The following NEO1 variants were observed in gnomAD, a reference collection of about 807,000 sequenced individuals.
The protein encoded by NEO1 is neogenin 1.
Under a neutral mutation model 159.7 loss-of-function variants are expected in NEO1, and 63 were observed. The observed-to-expected ratio is 0.39, with a 90% CI of 0.32 to 0.49. The LOEUF is 0.49. Among genes scored for constraint, NEO1 ranks in the 20% least tolerant of loss-of-function variants. The pLI is 0.85. For synonymous variants in NEO1, 633 were observed against 662.0 expected (o/e 0.96, Z 0.67); for missense variants, 1,615 against 1,831.0 (o/e 0.88, Z 2.15).
intron 8 of NEO1, among the ~76,000 whole-genome samples, chr15:73,237,248 C>G (rs919961873): frequency 6.6e-6 from 1 of 152,186 alleles, no homozygotes; most frequent in Non-Finnish European, 1.5e-5. Context: ...ACCTTTTCAG[C>G]ACATAGAGCA....
At chr15:73,083,392 A>C (rs371539148) in intron 1 of NEO1, among the ~76,000 whole-genome samples, 47 of 152,194 alleles carry the variant, frequency 3.1e-4, no homozygotes, top group African/African-American at 1.0e-3. Flanking sequence ...GATGGGCCCA[A>C]ATTTCTGGCA....
intron 4 of NEO1, among the ~76,000 whole-genome samples, chr15:73,135,683 C>T (rs1044583989): frequency 1.3e-5 from 2 of 152,072 alleles, no homozygotes; most frequent in African/African-American, 4.8e-5. Flanking sequence ...ATTTGATTTG[C>T]ATTTGTGATA....
intron 7 of NEO1, among the ~76,000 whole-genome samples, chr15:73,198,958 A>T (rs777288685): frequency 2.7e-5 from 4 of 150,912 alleles, no homozygotes; most frequent in Non-Finnish European, 5.9e-5. Context: ...ACCAACATTG[A>T]TACATTTTTT....
At chr15:73,058,274 A>G (rs572456283) in intron 1 of NEO1, among the ~76,000 whole-genome samples, 1 of 152,314 alleles carries the variant, frequency 6.6e-6, no homozygotes, top group African/African-American at 2.4e-5. Flanking sequence ...AATCTTTTAT[A>G]CAGTCCTGTG....
rs903434206 is a variant in NEO1, at chr15:73,245,606, G to A, written c.1606+1108G>A. 2.0e-5 allele frequency among the ~76,000 whole-genome samples: 3 copies of A among 146,820 alleles called. No individual in the cohort carries two copies. The Admixed American group carries it at 2.1e-4, about 10-fold the overall frequency. On this transcript the variant is annotated intron_variant, in intron 9 of 28. Coordinates refer to ENST00000261908, the MANE Select transcript of NEO1 (RefSeq NM_002499.4). ...TTTTTTTTTTTTGAGGCGGAGTCTC[G>A]CTCTGTCGCCCAGGCTGGAGTGCAG...
intron 1 of NEO1, among the ~76,000 whole-genome samples, chr15:73,068,571 CT>C (rs1302580830): frequency 6.6e-6 from 1 of 152,020 alleles, no homozygotes; most frequent in African/African-American, 2.4e-5. Context: ...CTTTGCCAGC[CT>C]TTTTTCTTGG....
At chr15:73,206,063 C>T (rs549824505) in intron 7 of NEO1, among the ~76,000 whole-genome samples, 5 of 152,048 alleles carry the variant, frequency 3.3e-5, no homozygotes, top group East Asian at 1.9e-4. Context: ...TGTGCCACTA[C>T]GTCCAGCTAA....
intron 5 of NEO1, among the ~76,000 whole-genome samples, chr15:73,172,048 G>A (rs992901254): frequency 6.6e-6 from 1 of 152,174 alleles, no homozygotes; most frequent in Non-Finnish European, 1.5e-5. Context: ...AGTGTAATAC[G>A]TGGAGTTTGC....
intron 5 of NEO1, among the ~76,000 whole-genome samples, chr15:73,138,553 G>A (rs910551532): frequency 2.0e-5 from 3 of 152,058 alleles, no homozygotes; most frequent in Admixed American, 6.6e-5. Flanking sequence ...TCAGGAGATC[G>A]AGATCATCCC....
chr15:73,083,530 G>C (rs141014197), intron 1 of NEO1, among the ~76,000 whole-genome samples: 2 of 152,220 alleles, frequency 1.3e-5, no homozygotes, highest in African/African-American at 4.8e-5. Context: ...GACAGTGCAA[G>C]ATATCTCTTA....
chr15:73,088,524 A>C (rs1405909895), intron 1 of NEO1, among the ~76,000 whole-genome samples: 1 of 152,128 alleles, frequency 6.6e-6, no homozygotes, highest in Admixed American at 6.5e-5. Flanking sequence ...GAAAGTAAAG[A>C]GGAAAGATGC....
chr15:73,264,285 G>A (rs2040782279), intron 15 of NEO1, among the ~76,000 whole-genome samples: 1 of 152,184 alleles, frequency 6.6e-6, no homozygotes, highest in Non-Finnish European at 1.5e-5. Flanking sequence ...ACAGGACATG[G>A]TCCTTGATCT....
intron 1 of NEO1, among the ~76,000 whole-genome samples, chr15:73,071,953 GT>G (rs763470909): frequency 4.6e-5 from 7 of 151,810 alleles, no homozygotes; most frequent in Non-Finnish European, 7.4e-5. Flanking sequence ...TTGTTTGTTT[GT>G]TTGTTTGTTT....
rs2039171505 is a variant in NEO1 at position 73,236,355 on chromosome 15, A to G, written c.1300A>G (p.Thr434Ala). 6.2e-7 allele frequency: 1 copy of G among 1,614,082 alleles called. No homozygotes were observed. Among genetic ancestry groups the G allele is most frequent in the African/African-American group, 1.3e-5 (1 of 74,926 alleles). The change falls in exon 8 of 29, where the codon ACA becomes GCA. Residue 434 changes from threonine to alanine, a missense_variant. By Grantham distance (58) the Thr-to-Ala change is moderately conservative. Around this residue, in one of 3 missense-constraint regions of NEO1, gnomAD observed 1,018 missense variants for 1,115.4 expected, o/e 0.91. Transcript: ENST00000261908. ...QLIILEHAPATTGPLPSAPRD... is the reference protein window; with the variant it reads ...QLIILEHAPAATGPLPSAPRD... ...CACTACTGACCATCTAGCACCAGCC[A>G]CAACGGGACCACTGCCTTCAGCTCC...
Position 73,272,396 on chromosome 15 carries a change from A to G in NEO1, c.2858-59A>G. 3.0e-6 allele frequency: 4 copies of G among 1,316,906 alleles called. No individual in the cohort carries two copies. In the South Asian group the frequency reaches 3.8e-5, roughly 13 times the overall value. The allele number at this position is 1,316,906 out of a possible 1,614,324, so 81.6% of individuals were successfully genotyped here. A position where few individuals can be genotyped will look rare whatever the true frequency, so the allele number is the denominator to read the frequency against. The stretch of plus-strand genomic sequence containing the variant: ...TTGCCTTACAAGTGGAAAAGGTTGA[A>G]GAAATAGTGAACTAATTTGAAATGG... On this transcript the variant is annotated intron_variant, in intron 18 of 28. Transcript: ENST00000261908.
chr15:73,275,437 C>T (rs2041366968), intron 21 of NEO1, among the ~76,000 whole-genome samples: 1 of 152,008 alleles, frequency 6.6e-6, no homozygotes, highest in Non-Finnish European at 1.5e-5. Context: ...ATCACTTGAG[C>T]CCAAGAGTTC....
chr15:73,101,531 G>A (rs769420537), intron 1 of NEO1, among the ~76,000 whole-genome samples: 13 of 152,172 alleles, frequency 8.5e-5, no homozygotes, highest in African/African-American at 2.2e-4. Context: ...CTTCAACTCC[G>A]TGAGACTGCA....
In NEO1 at chr15:73,260,384, A is replaced by G; in HGVS notation, c.2317A>G (p.Ile773Val). The G allele has an allele frequency of 1.2e-6, 2 of 1,614,048 alleles. No individual in the cohort carries two copies. The highest frequency in any genetic ancestry group is 2.2e-5 in the East Asian group (1 of 44,880). Residue 773 changes from isoleucine (I) to valine (V), a missense_variant, in exon 15 of 29, where the codon ATT becomes GTT. Transcript: ENST00000261908. Reference protein sequence around the residue: ...NQNIVVRGYAIGYGIGSPHAQ... With the variant: ...NQNIVVRGYAVGYGIGSPHAQ... ...GAACATTGTGGTCAGAGGTTACGCC[A>G]TTGGTTATGGCATTGGCAGCCCTCA...
chr15:73,126,802 C>T (rs1197024030), intron 4 of NEO1, among the ~76,000 whole-genome samples: 3 of 152,118 alleles, frequency 2.0e-5, no homozygotes, highest in East Asian at 1.9e-4. Context: ...CTGTTGAAGC[C>T]GCAGTGTACT....
Sources: allele counts gnomAD v4.1 joint callset (sites outside exome capture counted in the v4.1 genomes callset), GRCh38; gene constraint gnomAD v4.1.1; regional missense constraint gnomAD v4.1.1; transcripts MANE v1.5; gene names NCBI Gene and HGNC (gene_info 2026-07-23, HGNC 2026-07-21).